Variants in PCDHGA3 observed in about 807,000 individuals in gnomAD.
PCDHGA3 encodes the protein protocadherin gamma subfamily A, 3.
A neutral mutation model predicts 58.5 loss-of-function variants in PCDHGA3; 40 were observed. The ratio of observed to expected loss-of-function variants is 0.68; its 90% CI spans 0.53 to 0.89. The LOEUF (loss-of-function observed/expected upper bound fraction) is 0.89. PCDHGA3 is among the 40% of genes least tolerant of loss of function. The pLI is 0.00. For missense variants in PCDHGA3, 1,223 were observed against 1,195.9 expected (o/e 1.02, Z -0.33); for synonymous variants, 530 against 525.7 (o/e 1.01, Z -0.11).
At position 141,408,728 on chromosome 5, in the gene PCDHGA3, C is replaced by T. The variant is rs371316574; in HGVS notation, c.2424+62271C>T. ...TAAAGATTATAAGATAAACTCTAAT[C>T]CTTATTTTTCATTAATGGTTAGAGT... On this transcript the variant is annotated intron_variant, in intron 1 of 3. Transcript: ENST00000253812. 6.2e-7 allele frequency: 1 copy of T among 1,610,292 alleles called. No homozygotes were observed. Among genetic ancestry groups the T allele is most frequent in the African/African-American group, 1.3e-5 (1 of 74,802 alleles).
chr5:141,352,360 C>T (rs750327987), intron 1 of PCDHGA3: 11 of 1,613,940 alleles, frequency 6.8e-6, no homozygotes, highest in Non-Finnish European at 7.6e-6. Context: ...TGCTCTTTCT[C>T]CTCGCGGTGA....
chr5:141,500,309 C>T (rs777434466), intron 2 of PCDHGA3, among the ~76,000 whole-genome samples: 2 of 151,602 alleles, frequency 1.3e-5, no homozygotes, highest in Non-Finnish European at 2.9e-5. Flanking sequence ...CCCAGGTTCA[C>T]GCCATGCTCC....
intron 1 of PCDHGA3, chr5:141,468,351 A>G (rs1030472813): frequency 6.7e-6 from 1 of 149,192 alleles, no homozygotes; most frequent in Non-Finnish European, 1.5e-5. Context: ...AAAAAAAAAG[A>G]AAGAAAAAAG....
At chr5:141,347,137 CTCTTTCTTTCTT>C (rs70988799) in intron 1 of PCDHGA3, among the ~76,000 whole-genome samples, 153 of 113,828 alleles carry the variant, frequency 1.3e-3, no homozygotes, top group East Asian at 4.4e-3. Context: ...CTCTGTTTCT[CTCTTTCTTTCTT>C]TCTTTCTTTC....
At chr5:141,496,799 G>C (rs2099771487) in intron 2 of PCDHGA3, among the ~76,000 whole-genome samples, 1 of 151,912 alleles carries the variant, frequency 6.6e-6, no homozygotes, top group African/African-American at 2.4e-5. Context: ...TAAACATTGG[G>C]CTATAGGAGT....
At chr5:141,423,920 G>A (rs2096790804) in intron 1 of PCDHGA3, 2 of 1,258,728 alleles carry the variant, frequency 1.6e-6, no homozygotes, top group African/African-American at 1.6e-5. Flanking sequence ...ATTCAACTAT[G>A]CTGGTTTGGT....
chr5:141,497,492 C>G (rs954582026), intron 2 of PCDHGA3, among the ~76,000 whole-genome samples: 1 of 151,628 alleles, frequency 6.6e-6, no homozygotes, highest in Non-Finnish European at 1.5e-5. Flanking sequence ...ACCTCTCTCT[C>G]TCTCCTCTCT....
chr5:141,440,931 C>G (rs2098213287), intron 1 of PCDHGA3: 1 of 152,186 alleles, frequency 6.6e-6, no homozygotes, highest in Non-Finnish European at 1.5e-5. Context: ...GTGAGGGCCA[C>G]CAACCAGGAC....
intron 1 of PCDHGA3, among the ~76,000 whole-genome samples, chr5:141,429,660 ATATAT>A (rs1388009014): frequency 1.3e-5 from 2 of 152,336 alleles, no homozygotes; most frequent in African/African-American, 4.8e-5. Flanking sequence ...CCAATTTAAA[ATATAT>A]TATTTTATTT....
intron 1 of PCDHGA3, chr5:141,418,297 C>T (rs760176371): frequency 2.5e-6 from 4 of 1,614,026 alleles, no homozygotes; most frequent in African/African-American, 2.7e-5. Flanking sequence ...GTGAATCCGT[C>T]AGCCTGGGGA....
At chr5:141,409,317 G>A in intron 1 of PCDHGA3, 2 of 1,613,940 alleles carry the variant, frequency 1.2e-6, no homozygotes, top group Non-Finnish European at 1.7e-6. Flanking sequence ...TTCAAAACAC[G>A]GGATCTGGAT....
intron 1 of PCDHGA3, among the ~76,000 whole-genome samples, chr5:141,433,641 G>A (rs1177387884): frequency 6.6e-6 from 1 of 152,104 alleles, no homozygotes; most frequent in Non-Finnish European, 1.5e-5. Flanking sequence ...TTTGAGACCA[G>A]CCTGACCAAC....
intron 1 of PCDHGA3, chr5:141,371,485 C>G: frequency 6.2e-7 from 1 of 1,613,980 alleles, no homozygotes; most frequent in South Asian, 1.1e-5. Context: ...GAGCTGGGGA[C>G]TGCCGTTGCC....
intron 1 of PCDHGA3, chr5:141,428,284 G>A (rs762469333): frequency 4.2e-5 from 31 of 734,822 alleles, no homozygotes. Flanking sequence ...TGATTCCCAA[G>A]CAAAGCTGCA....
chr5:141,365,265 C>A lies in PCDHGA3; in HGVS notation c.2424+18808C>A, dbSNP rs759196627. ...CTACAATCACTGGACTATGAAGAAT[C>A]CAGATTCTACCTCATGGAAGTGGTA... is the stretch of plus-strand genomic sequence containing the variant. On this transcript the variant is annotated intron_variant, in intron 1 of 3. Transcript: ENST00000253812. 53 of 1,613,846 alleles carry A rather than the reference C, an allele frequency of 3.3e-5. 1 individual carries two copies. The South Asian group carries it at 5.4e-4, about 16-fold the overall frequency.
intron 1 of PCDHGA3, chr5:141,375,227 G>C: frequency 6.2e-7 from 1 of 1,613,962 alleles, no homozygotes; most frequent in East Asian, 2.2e-5. Context: ...GAATGGCCTG[G>C]TAACCTGTTC....
chr5:141,392,202 T>A (rs534571054), intron 1 of PCDHGA3: 1 of 152,352 alleles, frequency 6.6e-6, no homozygotes, highest in South Asian at 2.1e-4. Context: ...AGTCTCAAGA[T>A]AAATTCATTT....
chr5:141,401,815 C>G (rs1217081146), intron 1 of PCDHGA3, among the ~76,000 whole-genome samples: 1 of 152,184 alleles, frequency 6.6e-6, no homozygotes, highest in Non-Finnish European at 1.5e-5. Flanking sequence ...GGGTTCCTTA[C>G]AAAGTGCTGA....
chr5:141,356,117 G>C, intron 1 of PCDHGA3: 1 of 1,613,870 alleles, frequency 6.2e-7, no homozygotes, highest in Non-Finnish European at 8.5e-7. Flanking sequence ...ATATTGGGGG[G>C]TCTAGATTAT....
Sources: allele counts gnomAD v4.1 joint callset (sites outside exome capture counted in the v4.1 genomes callset), GRCh38; gene constraint gnomAD v4.1.1; transcripts MANE v1.5; gene names NCBI Gene and HGNC (gene_info 2026-07-23, HGNC 2026-07-21).